FRMD1: variants seen among roughly 807,000 people sequenced by gnomAD.
The protein encoded by FRMD1 is FERM domain containing 1.
In FRMD1, 51 loss-of-function variants were observed where a neutral mutation model predicts 54.9. That is an observed-to-expected ratio of 0.93 (90% CI 0.74 to 1.17). The LOEUF (loss-of-function observed/expected upper bound fraction) is 1.17. Ranked by LOEUF, FRMD1 falls within the 50% of genes most tolerant of loss-of-function variation. The probability of loss-of-function intolerance (pLI) is 0.00; values close to 1 mark genes in which losing one functional copy is unlikely to be tolerated. For synonymous variants in FRMD1, 324 were observed against 306.4 expected (o/e 1.06, Z -0.60); for missense variants, 729 against 743.0 (o/e 0.98, Z 0.22).
At chr6:168,068,981 G>C (rs1800171586) in intron 2 of FRMD1, among the ~76,000 whole-genome samples, 1 of 152,176 alleles carries the variant, frequency 6.6e-6, no homozygotes, top group Non-Finnish European at 1.5e-5. Context: ...GAGGCTCCAA[G>C]GTGTCACCAG....
intron 7 of FRMD1, among the ~76,000 whole-genome samples, chr6:168,062,491 C>T (rs772538590): frequency 1.9e-4 from 29 of 152,390 alleles, no homozygotes; most frequent in Middle Eastern, 6.8e-3. Context: ...AAACACCCCA[C>T]GCCTGCAGGG....
chr6:168,074,366 G>A (rs1293488082), intron 2 of FRMD1, among the ~76,000 whole-genome samples: 1 of 152,334 alleles, frequency 6.6e-6, no homozygotes, highest in South Asian at 2.1e-4. Flanking sequence ...GCATTGTGCA[G>A]GTGTGGTGTG....
chr6:168,081,403 T>C, upstream of FRMD1: 1 of 1,535,486 alleles, frequency 6.5e-7, no homozygotes, highest in East Asian at 2.4e-5. Context: ...GCCTGCCACG[T>C]TCGTGATGTC....
upstream of FRMD1, among the ~76,000 whole-genome samples, chr6:168,084,308 G>C (rs1451269848): frequency 6.6e-6 from 1 of 152,226 alleles, no homozygotes; most frequent in Non-Finnish European, 1.5e-5. Flanking sequence ...AGGTGGGGAA[G>C]GTAAGTTATT....
At chr6:168,073,828 C>T (rs187137832) in intron 2 of FRMD1, among the ~76,000 whole-genome samples, 90 of 152,178 alleles carry the variant, frequency 5.9e-4, no homozygotes, top group African/African-American at 1.7e-3. Flanking sequence ...TCCGGTGTCC[C>T]GTGCAGGGTC....
At position 168,055,452 on chromosome 6, in the gene FRMD1, C is replaced by G. The variant is rs1445265877; in HGVS notation, c.*1645G>C. 1 of 152,298 alleles carries G rather than the reference C, an allele frequency of 6.6e-6. No individual in the cohort carries two copies. The highest frequency in any genetic ancestry group is 1.5e-5 in the Non-Finnish European group (1 of 68,110). The allele number at this position is 152,298 out of a possible 1,614,324, so 9.4% of individuals were successfully genotyped here. A position where few individuals can be genotyped will look rare whatever the true frequency, so the allele number is the denominator to read the frequency against. ...TCAGACCCTGCTTCATGGTGGACAC[C>G]ACCTGCTGTGTCTCCCCAACACTGG... On this transcript the variant is annotated 3_prime_UTR_variant, in exon 11 of 11. Transcript: ENST00000283309.
intron 1 of FRMD1, chr6:168,075,683 T>G (rs1800555370): frequency 1.4e-6 from 2 of 1,391,646 alleles, no homozygotes; most frequent in East Asian, 5.0e-5. Flanking sequence ...GGCTCTGTCC[T>G]CGCACGGCAC....
Position 168,056,858 on chromosome 6 carries a change from CCT to C in FRMD1, c.*237_*238del, listed in dbSNP as rs1799428651. 2.5e-6 allele frequency: 1 copy of C among 392,872 alleles called. No individual in the cohort carries two copies. The highest frequency in any genetic ancestry group is 4.2e-5 in the Admixed American group (1 of 23,706). 24.3% of individuals were successfully genotyped at this position (392,872 alleles called of 1,614,324 possible). A position where few individuals can be genotyped will look rare whatever the true frequency, so the allele number is the denominator to read the frequency against. On this transcript the variant is annotated 3_prime_UTR_variant, in exon 11 of 11. Coordinates refer to ENST00000283309, the MANE Select transcript of FRMD1 (RefSeq NM_024919.6). ...AGACCTTGAACTGGCTCCCTGAGAC[CCT>C]GAGGGAAAGAGCTCCCGGGTGTATG...
At chr6:168,067,542 G>A (rs915698222) in intron 2 of FRMD1, 96 bp from the exon 3 acceptor site, 3 of 761,076 alleles carry the variant, frequency 3.9e-6, no homozygotes, top group Non-Finnish European at 6.7e-6. Flanking sequence ...GAGAAGAGAT[G>A]CACAGCTGAA....
intron 1 of FRMD1, among the ~76,000 whole-genome samples, chr6:168,090,168 CT>C (rs1053560581): frequency 1.5e-4 from 23 of 152,082 alleles, no homozygotes; most frequent in African/African-American, 4.3e-4. Context: ...GCTCGTCTCC[CT>C]CCTGAATGTT....
intron 1 of FRMD1, among the ~76,000 whole-genome samples, chr6:168,089,144 C>G (rs1374582873): frequency 2.0e-5 from 3 of 152,222 alleles, no homozygotes; most frequent in East Asian, 1.9e-4. Flanking sequence ...GAGAGTGGGC[C>G]CTGACACCGG....
chr6:168,066,838 G>A lies in FRMD1; in HGVS notation c.385-7C>T. 6.2e-7 allele frequency: 1 copy of A among 1,611,224 alleles called. No individual in the cohort carries two copies. The highest frequency in any genetic ancestry group is 1.1e-5 in the South Asian group (1 of 90,258). On this transcript the variant is annotated splice_region_variant and splice_polypyrimidine_tract_variant and intron_variant, in intron 3 of 10. Coordinates refer to ENST00000283309, the MANE Select transcript of FRMD1 (RefSeq NM_024919.6). The stretch of plus-strand genomic sequence containing the variant: ...CTCTGGGTTTCTCATTTCCCTAGTG[G>A]GGAAAATGCAAGAAAGAGCAAGTGA...
chr6:168,068,400 G>T (rs1583187939), intron 2 of FRMD1, among the ~76,000 whole-genome samples: 1 of 152,278 alleles, frequency 6.6e-6, no homozygotes, highest in African/African-American at 2.4e-5. Context: ...CTCCGTGTCT[G>T]CTGGGAACTG....
intron 1 of FRMD1, among the ~76,000 whole-genome samples, chr6:168,089,395 A>G (rs1800976985): frequency 6.6e-6 from 1 of 152,200 alleles, no homozygotes; most frequent in African/African-American, 2.4e-5. Context: ...AGGGACTCTC[A>G]GGAGGCTGTG....
At chr6:168,079,454 T>A (rs1800766422), upstream of FRMD1, among the ~76,000 whole-genome samples, 1 of 152,168 alleles carries the variant, frequency 6.6e-6, no homozygotes, top group Non-Finnish European at 1.5e-5. Flanking sequence ...CTCCTCAGGG[T>A]GCCTGCTCCT....
intron 6 of FRMD1, among the ~76,000 whole-genome samples, chr6:168,063,284 G>A (rs1002743443): frequency 6.6e-6 from 1 of 150,938 alleles, no homozygotes; most frequent in African/African-American, 2.4e-5. Context: ...CCCACTCTTA[G>A]CCACGGGGGC....
upstream of FRMD1, among the ~76,000 whole-genome samples, chr6:168,084,994 G>T (rs1253935567): frequency 6.6e-6 from 1 of 152,216 alleles, no homozygotes; most frequent in Non-Finnish European, 1.5e-5. Flanking sequence ...GTGGACGTGG[G>T]TGTCACTCCC....
intron 3 of FRMD1, 120 bp from the exon 4 acceptor site, chr6:168,066,951 T>C: frequency 8.0e-7 from 1 of 1,256,334 alleles, no homozygotes; most frequent in South Asian, 1.4e-5. Context: ...GAAGCTCAGG[T>C]GTCTGCAGCC....
chr6:168,078,576 A>AGCCCTGCTCACCCCCACGGCCACCCAGG (rs1800697662), intron 1 of FRMD1, among the ~76,000 whole-genome samples: 2 of 39,434 alleles, frequency 5.1e-5, no homozygotes, highest in South Asian at 8.2e-4. Flanking sequence ...TCACCCTCAC[A>AGCCCTGCTCACCCCCACGGCCACCCAGG]GCCCTGCTCA....
Sources: gnomAD v4.1 joint callset for allele counts (sites outside exome capture counted in the v4.1 genomes callset) on GRCh38, gnomAD v4.1.1 for gene constraint, MANE v1.5 for transcripts, NCBI Gene and HGNC (gene_info 2026-07-23, HGNC 2026-07-21) for gene names.